AGBL1: variants seen among roughly 807,000 people sequenced by gnomAD.
AGBL1 encodes the protein AGBL carboxypeptidase 1, also known as cytosolic carboxypeptidase 4.
AGBL1 carries 130 observed loss-of-function variants against 118.9 expected under a neutral mutation model. That is an observed-to-expected ratio of 1.09 (90% CI 0.95 to 1.26). The LOEUF is 1.26. Among genes scored for constraint, AGBL1 ranks in the 50% most tolerant of loss-of-function variants. The pLI is 0.00. For synonymous variants in AGBL1, 555 were observed against 478.9 expected, an observed-to-expected ratio of 1.16 and a Z score of -2.08; for missense variants, 1,584 against 1,298.1, an observed-to-expected ratio of 1.22 and a Z score of -3.38.
At chr15:86,491,908 T>C (rs2082785017) in intron 18 of AGBL1, among the ~76,000 whole-genome samples, 1 of 151,696 alleles carries the variant, frequency 6.6e-6, no homozygotes, top group South Asian at 2.1e-4. Context: ...GTACAGAAAA[T>C]AGAAGGGAAA....
At chr15:86,647,530 G>C (rs950450231) in intron 21 of AGBL1, among the ~76,000 whole-genome samples, 1 of 152,014 alleles carries the variant, frequency 6.6e-6, no homozygotes, top group Non-Finnish European at 1.5e-5. Flanking sequence ...GTGAAACCCC[G>C]TCTCTACTAA....
intron 24 of AGBL1, among the ~76,000 whole-genome samples, chr15:87,022,914 G>T (rs916451974): frequency 2.0e-5 from 3 of 151,980 alleles, no homozygotes; most frequent in Non-Finnish European, 4.4e-5. Flanking sequence ...AATGCTGAGA[G>T]AATTTACCAC....
chr15:86,204,612 C>T lies in AGBL1; in HGVS notation c.489-20302C>T, dbSNP rs148341538. Among the ~76,000 whole-genome samples the T allele has an allele frequency of 5.4e-3, 812 of 151,640 alleles. 5 individuals are homozygous for T. The highest frequency in any genetic ancestry group is 0.012 in the African/African-American group (506 of 41,374). The stretch of plus-strand genomic sequence containing the variant: ...TTCGTTTAGTTTTGTTTTTTTGAGA[C>T]GGAGTCTCACTCTATCACCCAGGCT... On this transcript the variant is annotated intron_variant, in intron 5 of 22. Coordinates refer to ENST00000614907, the MANE Select transcript of AGBL1 (RefSeq NM_001386094.1).
intron 21 of AGBL1, among the ~76,000 whole-genome samples, chr15:86,659,398 G>T (rs1280149259): frequency 6.6e-6 from 1 of 152,176 alleles, no homozygotes; most frequent in Non-Finnish European, 1.5e-5. Context: ...CCCTGCCAAA[G>T]GTGAGGACTC....
At chr15:86,120,389 A>G (rs900537261) in intron 1 of AGBL1, among the ~76,000 whole-genome samples, 1 of 152,138 alleles carries the variant, frequency 6.6e-6, no homozygotes, top group African/African-American at 2.4e-5. Flanking sequence ...CCATTAACCT[A>G]CAGTGTACTT....
intron 6 of AGBL1, among the ~76,000 whole-genome samples, chr15:86,247,027 A>C (rs1020497673): frequency 6.6e-6 from 1 of 152,190 alleles, no homozygotes; most frequent in Non-Finnish European, 1.5e-5. Context: ...ACAGACTTTC[A>C]TATACTCTAA....
At chr15:86,619,721 G>T (rs1283847686) in intron 21 of AGBL1, among the ~76,000 whole-genome samples, 1 of 152,170 alleles carries the variant, frequency 6.6e-6, no homozygotes, top group Non-Finnish European at 1.5e-5. Flanking sequence ...TGACAACTCA[G>T]ACTGTGACAA....
chr15:86,815,228 A>T (rs986711898), intron 22 of AGBL1, among the ~76,000 whole-genome samples: 5 of 152,156 alleles, frequency 3.3e-5, no homozygotes, highest in African/African-American at 1.2e-4. Flanking sequence ...ATTTTTATGT[A>T]TTAGATGATT....
chr15:86,290,044 A>G (rs1226646137), intron 16 of AGBL1, among the ~76,000 whole-genome samples: 1 of 152,194 alleles, frequency 6.6e-6, no homozygotes, highest in African/African-American at 2.4e-5. Flanking sequence ...TCAAGAATTA[A>G]ATAATATTAC....
rs1032230147 is a variant in AGBL1, at chr15:86,256,553, G to A, written c.736-300G>A. On this transcript the variant is annotated intron_variant, in intron 7 of 22. Coordinates refer to ENST00000614907, the MANE Select transcript of AGBL1 (RefSeq NM_001386094.1). ...TCCTGAGCAATGTCTTGCCTTAGGCGCAGCATCCCTTGAAAGAATTTTAAG... is the reference window on the plus strand; with the variant it reads ...TCCTGAGCAATGTCTTGCCTTAGGCACAGCATCCCTTGAAAGAATTTTAAG... Among the ~76,000 whole-genome samples the A allele has an allele frequency of 3.3e-5, 5 of 152,290 alleles. No individual in the cohort carries two copies. The South Asian group carries it at 6.2e-4, about 19-fold the overall frequency.
intron 1 of AGBL1, among the ~76,000 whole-genome samples, chr15:86,123,906 C>T (rs532047787): frequency 2.6e-5 from 4 of 152,148 alleles, no homozygotes; most frequent in South Asian, 2.1e-4. Context: ...ACTGAGAAAC[C>T]GCCACAGACC....
Position 86,406,048 on chromosome 15 carries a change from A to G in AGBL1, c.2555+8502A>G, listed in dbSNP as rs1482611366. ...AGGAGTCTAGAGTGGCCTGTATCCAAATAGTAAAGGAACCATTTGGTTCTT... is the reference window on the plus strand; with the variant it reads ...AGGAGTCTAGAGTGGCCTGTATCCAGATAGTAAAGGAACCATTTGGTTCTT... On this transcript the variant is annotated intron_variant, in intron 18 of 22. Transcript: ENST00000614907. 3.3e-5 allele frequency among the ~76,000 whole-genome samples: 5 copies of G among 152,168 alleles called. 1 individual carries two copies. The highest frequency in any genetic ancestry group is 1.2e-4 in the African/African-American group (5 of 41,448).
At chr15:86,739,122 G>A (rs1017748446) in intron 22 of AGBL1, among the ~76,000 whole-genome samples, 1 of 152,048 alleles carries the variant, frequency 6.6e-6, no homozygotes, top group African/African-American at 2.4e-5. Context: ...TTCCAGTCTG[G>A]GTGACAGAAG....
chr15:86,457,260 A>G (rs1298052736), intron 18 of AGBL1, among the ~76,000 whole-genome samples: 1 of 152,192 alleles, frequency 6.6e-6, no homozygotes, highest in Non-Finnish European at 1.5e-5. Flanking sequence ...TTGGCCTGTT[A>G]GATGTGCAAC....
intron 22 of AGBL1, among the ~76,000 whole-genome samples, chr15:86,685,998 CTT>C (rs1400721674): frequency 6.6e-6 from 1 of 152,142 alleles, no homozygotes; most frequent in African/African-American, 2.4e-5. Context: ...ATGATCTAAA[CTT>C]TTCACCCACT....
At chr15:86,896,493 A>G (rs759440157) in intron 22 of AGBL1, among the ~76,000 whole-genome samples, 7 of 152,116 alleles carry the variant, frequency 4.6e-5, no homozygotes, top group East Asian at 1.9e-4. Flanking sequence ...GTGATTCACA[A>G]TGTAATTGTG....
At chr15:86,337,835 A>T (rs1595985897) in intron 17 of AGBL1, among the ~76,000 whole-genome samples, 1 of 152,234 alleles carries the variant, frequency 6.6e-6, no homozygotes, top group East Asian at 1.9e-4. Context: ...AAACCTGCAC[A>T]TCTTGCACAT....
At chr15:86,744,386 A>T (rs2077723793) in intron 22 of AGBL1, among the ~76,000 whole-genome samples, 1 of 152,100 alleles carries the variant, frequency 6.6e-6, no homozygotes, top group African/African-American at 2.4e-5. Flanking sequence ...TGCCGTGCCA[A>T]CAGAGATATG....
Position 86,279,694 on chromosome 15 carries a change from T to C in AGBL1, c.2131T>C (p.Tyr711His). The C allele has an allele frequency of 1.2e-6, 2 of 1,613,510 alleles. No homozygotes were observed. The highest frequency in any genetic ancestry group is 1.7e-6 in the Non-Finnish European group (2 of 1,179,462). The change falls in exon 16 of 23, where the codon TAT (tyrosine) becomes CAT (histidine). Residue 711 changes from tyrosine (Y) to histidine (H), a missense_variant. Transcript: ENST00000614907. ...VAGGASGKCY[Y>H]TLTFAVTFPH... ...AGGCGGAGCATCTGGGAAGTGCTAC[T>C]ATACCCTCACCTTTGCTGTCACCTT...
Sources: allele counts gnomAD v4.1 joint callset (sites outside exome capture counted in the v4.1 genomes callset), GRCh38; gene constraint gnomAD v4.1.1; transcripts MANE v1.5; gene names NCBI Gene and HGNC (gene_info 2026-07-23, HGNC 2026-07-21).